PHACTR3: variants seen among roughly 807,000 people sequenced by gnomAD.
The protein encoded by PHACTR3 is protein phosphatase 1, regulatory subunit 123.
A neutral mutation model predicts 66.8 loss-of-function variants in PHACTR3; 16 were observed. The observed-to-expected ratio is 0.24, with a 90% CI of 0.16 to 0.36. The LOEUF is 0.36. Among genes scored for constraint, PHACTR3 ranks in the 10% least tolerant of loss-of-function variants. The pLI is 1.00. For synonymous variants in PHACTR3, 323 were observed against 292.1 expected, an observed-to-expected ratio of 1.11 and a Z score of -1.08; for missense variants, 647 against 719.9, an observed-to-expected ratio of 0.90 and a Z score of 1.16.
In PHACTR3 at chr20:59,755,255, G is replaced by A. The variant is rs768581399; in HGVS notation, c.432G>A (p.Ser144=). The change falls in exon 4 of 13, where the codon TCG becomes TCA. Residue 144 remains serine, a synonymous_variant. Transcript: ENST00000371015. The stretch of plus-strand genomic sequence containing the variant: ...AGAGTGAACCACCCACTCCCAAGTC[G>A]GAGACGCTGACTTCAGAAGATGCCC... ...SVQSEPPTPK[S]ETLTSEDAQP... is the part of the protein sequence containing the mutation. 55 of 1,613,828 alleles carry A rather than the reference G, an allele frequency of 3.4e-5. 1 individual carries two copies. The highest frequency in any genetic ancestry group is 2.2e-4 in the South Asian group (20 of 91,088).
chr20:59,585,270 C>T (rs1004557134), intron 1 of PHACTR3, among the ~76,000 whole-genome samples: 9 of 152,180 alleles, frequency 5.9e-5, no homozygotes, highest in African/African-American at 1.4e-4. Flanking sequence ...TGCAAAGCCA[C>T]GTTGCAAGAA....
At chr20:59,603,026 G>A (rs77173828), upstream of PHACTR3, among the ~76,000 whole-genome samples, 1,059 of 152,340 alleles carry the variant, frequency 7.0e-3, 6 homozygotes, top group Non-Finnish European at 0.011. Flanking sequence ...GTTGTAGGAA[G>A]GAATGAGGTC....
At chr20:59,791,631 G>A (rs2041100231) in intron 7 of PHACTR3, among the ~76,000 whole-genome samples, 1 of 150,718 alleles carries the variant, frequency 6.6e-6, no homozygotes, top group African/African-American at 2.4e-5. Context: ...GGGTACATGT[G>A]CACAGTGCTG....
intron 7 of PHACTR3, among the ~76,000 whole-genome samples, chr20:59,780,136 G>A (rs1165025976): frequency 6.6e-6 from 1 of 152,152 alleles, no homozygotes; most frequent in African/African-American, 2.4e-5. Flanking sequence ...CCTACTGATG[G>A]AAGGAAGCTG....
At chr20:59,723,381 C>T (rs941798880) in intron 1 of PHACTR3, among the ~76,000 whole-genome samples, 2 of 152,086 alleles carry the variant, frequency 1.3e-5, no homozygotes, top group African/African-American at 4.8e-5. Flanking sequence ...GTGGGGTGTG[C>T]TGTGGCAGGG....
At position 59,673,572 on chromosome 20, in the gene PHACTR3, C is replaced by A. The variant is rs1340049535; in HGVS notation, c.118+68440C>A. On this transcript the variant is annotated intron_variant, in intron 1 of 12. Transcript: ENST00000371015. ...AGGTGGTTGGGAGCTGGCCTGGCAGCACCTGGGGCTCCCAAACACAAGGGA... is the reference window on the plus strand; with the variant it reads ...AGGTGGTTGGGAGCTGGCCTGGCAGAACCTGGGGCTCCCAAACACAAGGGA... Among the ~76,000 whole-genome samples the A allele has an allele frequency of 2.0e-5, 3 of 152,212 alleles. No homozygotes were observed. In the South Asian group the frequency reaches 6.2e-4, roughly 32 times the overall value.
intron 1 of PHACTR3, among the ~76,000 whole-genome samples, chr20:59,590,072 A>G (rs2033143772): frequency 6.6e-6 from 1 of 152,152 alleles, no homozygotes; most frequent in Non-Finnish European, 1.5e-5. Flanking sequence ...TCTGTGGGAA[A>G]TATATGGTAC....
intron 5 of PHACTR3, among the ~76,000 whole-genome samples, chr20:59,769,437 C>A (rs1000599317): frequency 6.6e-6 from 1 of 152,220 alleles, no homozygotes; most frequent in Non-Finnish European, 1.5e-5. Context: ...CACAGAACGC[C>A]AAGAATTTTC....
At chr20:59,801,011 C>T (rs1382789992) in intron 7 of PHACTR3, among the ~76,000 whole-genome samples, 1 of 152,196 alleles carries the variant, frequency 6.6e-6, no homozygotes, top group Non-Finnish European at 1.5e-5. Flanking sequence ...GTGCACCGGG[C>T]ACTGCTATCT....
chr20:59,839,022 T>C (rs539164703), intron 9 of PHACTR3, among the ~76,000 whole-genome samples: 45 of 151,668 alleles, frequency 3.0e-4, no homozygotes, highest in Admixed American at 2.2e-3. Flanking sequence ...GTAGTAATTA[T>C]GGCATTTTTC....
At chr20:59,683,446 T>C (rs563853455) in intron 1 of PHACTR3, among the ~76,000 whole-genome samples, 1 of 151,914 alleles carries the variant, frequency 6.6e-6, no homozygotes, top group Admixed American at 6.6e-5. Flanking sequence ...GTCTGCCACC[T>C]GTAGTCTAAT....
At chr20:59,659,603 C>A (rs1240569045) in intron 1 of PHACTR3, among the ~76,000 whole-genome samples, 1 of 151,932 alleles carries the variant, frequency 6.6e-6, no homozygotes, top group Non-Finnish European at 1.5e-5. Context: ...GATCTCTTGA[C>A]CTCATGATTT....
chr20:59,681,998 G>A (rs1473710918), intron 1 of PHACTR3, among the ~76,000 whole-genome samples: 3 of 147,108 alleles, frequency 2.0e-5, no homozygotes, highest in South Asian at 2.1e-4. Flanking sequence ...CAACAAGAGC[G>A]AAACTCTATC....
At chr20:59,840,332 TTTG>T (rs754099050) in intron 9 of PHACTR3, 34 bp from the exon 10 acceptor site, 49 of 1,597,812 alleles carry the variant, frequency 3.1e-5, no homozygotes, top group African/African-American at 5.4e-5. Context: ...CCTGTTTCTC[TTTG>T]TTATTTTTTT....
intron 9 of PHACTR3, among the ~76,000 whole-genome samples, chr20:59,840,039 G>A (rs984846121): frequency 1.3e-5 from 2 of 152,142 alleles, no homozygotes; most frequent in African/African-American, 2.4e-5. Context: ...TAAATATAAA[G>A]ATATTTGGGG....
At chr20:59,734,778 A>T (rs145309171) in intron 1 of PHACTR3, among the ~76,000 whole-genome samples, 87 of 152,200 alleles carry the variant, frequency 5.7e-4, no homozygotes, top group African/African-American at 1.9e-3. Flanking sequence ...CCATTCCCCA[A>T]ACACCATGTA....
chr20:59,788,468 C>G (rs2040990880), intron 7 of PHACTR3, among the ~76,000 whole-genome samples: 1 of 152,110 alleles, frequency 6.6e-6, no homozygotes, highest in African/African-American at 2.4e-5. Context: ...TGCTCTCTCC[C>G]TGGCTCCCAG....
chr20:59,665,936 G>A (rs975819348), intron 1 of PHACTR3, among the ~76,000 whole-genome samples: 2 of 152,164 alleles, frequency 1.3e-5, no homozygotes, highest in Non-Finnish European at 2.9e-5. Flanking sequence ...TGGGCATTGG[G>A]CAACCCAGGA....
intron 1 of PHACTR3, among the ~76,000 whole-genome samples, chr20:59,609,566 T>C (rs1459251533): frequency 2.0e-5 from 3 of 149,294 alleles, no homozygotes; most frequent in Non-Finnish European, 3.0e-5. Flanking sequence ...CTCTTCCTCT[T>C]ACCGGTTTTC....
Sources: gnomAD v4.1 joint callset for allele counts (sites outside exome capture counted in the v4.1 genomes callset) on GRCh38, gnomAD v4.1.1 for gene constraint, MANE v1.5 for transcripts, NCBI Gene and HGNC (gene_info 2026-07-23, HGNC 2026-07-21) for gene names.